EDN3: variants seen among roughly 807,000 people sequenced by gnomAD.
The protein encoded by EDN3 is endothelin-3.
In EDN3, 9 loss-of-function variants were observed where a neutral mutation model predicts 21.4. The ratio of observed to expected loss-of-function variants is 0.42; its 90% CI spans 0.25 to 0.73. The LOEUF (loss-of-function observed/expected upper bound fraction) is 0.73. Ranked by LOEUF, EDN3 falls within the 30% of genes least tolerant of loss-of-function variation. The pLI, the probability that EDN3 is intolerant of heterozygous loss-of-function variation, is 0.26. For synonymous variants in EDN3, 133 were observed against 126.2 expected, an observed-to-expected ratio of 1.05 and a Z score of -0.36; for missense variants, 327 against 309.4, an observed-to-expected ratio of 1.06 and a Z score of -0.43.
Position 59,305,854 on chromosome 20 carries a change from T to A in EDN3, c.365+4132T>A, listed in dbSNP as rs1989369974. ...TTTGCTCAAAGTCTACTGATTTAAA[T>A]GTTAATCACATATCAAAAATACCTT... On this transcript the variant is annotated intron_variant, in intron 2 of 4. Coordinates refer to ENST00000337938, the MANE Select transcript of EDN3 (RefSeq NM_207034.3). The surrounding 1 kb of genome is among the most constrained non-coding windows in gnomAD (Gnocchi z 4.2). Among the ~76,000 whole-genome samples the A allele has an allele frequency of 6.6e-6, 1 of 152,236 alleles. No individual in the cohort carries two copies. The highest frequency in any genetic ancestry group is 1.5e-5 in the Non-Finnish European group (1 of 68,048).
chr20:59,320,106 C>T (rs1990432579), intron 2 of EDN3, among the ~76,000 whole-genome samples: 1 of 152,214 alleles, frequency 6.6e-6, no homozygotes. Context: ...TCACACTCCT[C>T]CTGCCAACGC....
chr20:59,321,035 A>G lies in EDN3; in HGVS notation c.384A>G (p.Gly128=). The part of the protein sequence containing the change: ...INTPEQTVPY[G]LSNYRGSFRG... The stretch of plus-strand genomic sequence containing the variant: ...TTTGCAGACAGACGGTGCCCTATGG[A>G]CTGTCCAACTACAGAGGAAGCTTCC... Residue 128 remains glycine, a synonymous_variant, in exon 3 of 5, where the codon GGA becomes GGG. Transcript: ENST00000337938. 2 of 1,614,154 alleles carry G rather than the reference A, an allele frequency of 1.2e-6. No homozygotes were observed. The highest frequency in any genetic ancestry group is 2.2e-5 in the East Asian group (1 of 44,878).
intron 2 of EDN3, among the ~76,000 whole-genome samples, chr20:59,319,288 G>A (rs371010009): frequency 2.8e-4 from 43 of 152,268 alleles, no homozygotes; most frequent in Admixed American, 1.6e-3. Context: ...GCAGGGAGGC[G>A]GGGGCGGGGG....
At position 59,322,399 on chromosome 20, in the gene EDN3, CAA is replaced by C; in HGVS notation, c.572_573del (p.Lys191ArgfsTer7). On this transcript the variant is annotated frameshift_variant, in exon 4 of 5. Coordinates refer to ENST00000337938, the MANE Select transcript of EDN3 (RefSeq NM_207034.3). LOFTEE classifies it low-confidence loss of function (END_TRUNC). This position sits in a 1 kb window ranked among gnomAD's most constrained non-coding sequence, Gnocchi z 4.1. Reference sequence around the variant, plus strand: ...ATTCAAGGACGGCAGAAAAAACAGACAAAGAAGAGGAAGGGAAGGTGAGAGGT... The same window carrying C: ...ATTCAAGGACGGCAGAAAAAACAGACAGAAGAGGAAGGGAAGGTGAGAGGT... ...SNSRTAEKTD[K>X]EEEGKVEVKD... 6.2e-7 allele frequency: 1 copy of C among 1,614,114 alleles called. No homozygotes were observed. Among genetic ancestry groups the C allele is most frequent in the South Asian group, 1.1e-5 (1 of 91,060 alleles).
chr20:59,306,843 T>C (rs555412080), intron 2 of EDN3, among the ~76,000 whole-genome samples: 2 of 152,134 alleles, frequency 1.3e-5, no homozygotes, highest in Non-Finnish European at 2.9e-5. Flanking sequence ...GATTTTGGGA[T>C]CCCGATAAAA....
chr20:59,301,745 G>A (rs11570257), intron 2 of EDN3, 23 bp downstream of exon 2: 42,750 of 1,613,304 alleles, frequency 0.026, 638 homozygotes, highest in Non-Finnish European at 0.032. Context: ...TTTGTGGTGA[G>A]GAACGTGGCT....
At chr20:59,320,333 C>A (rs999904480) in intron 2 of EDN3, among the ~76,000 whole-genome samples, 1 of 152,220 alleles carries the variant, frequency 6.6e-6, no homozygotes, top group Non-Finnish European at 1.5e-5. Flanking sequence ...CTCATTAGCA[C>A]AAACTGCTGT....
chr20:59,322,525 C>G lies in EDN3; in HGVS notation c.588+108C>G, dbSNP rs903102236. The G allele has an allele frequency of 1.2e-5, 17 of 1,435,132 alleles. No individual in the cohort carries two copies. The Admixed American group carries it at 2.7e-4, about 23-fold the overall frequency. The allele number at this position is 1,435,132 out of a possible 1,614,324, so 88.9% of individuals were successfully genotyped here. A position where few individuals can be genotyped will look rare whatever the true frequency, so the allele number is the denominator to read the frequency against. On this transcript the variant is annotated intron_variant, in intron 4 of 4. Coordinates refer to ENST00000337938, the MANE Select transcript of EDN3 (RefSeq NM_207034.3). The surrounding 1 kb of genome is among the most constrained non-coding windows in gnomAD (Gnocchi z 4.1). ...TGAGGGGATGGCATCTGGTCTGGTCCAGTGGGAACCCCAGATCTCATGGGA... is the reference window on the plus strand; with the variant it reads ...TGAGGGGATGGCATCTGGTCTGGTCGAGTGGGAACCCCAGATCTCATGGGA...
intron 2 of EDN3, among the ~76,000 whole-genome samples, chr20:59,319,541 C>A (rs966060685): frequency 6.6e-6 from 1 of 151,852 alleles, no homozygotes; most frequent in Non-Finnish European, 1.5e-5. Context: ...GAAACCCTGT[C>A]TCTACTAAAA....
At chr20:59,318,113 G>C (rs2146868455) in intron 2 of EDN3, among the ~76,000 whole-genome samples, 1 of 152,326 alleles carries the variant, frequency 6.6e-6, no homozygotes. Flanking sequence ...GCATCCCCAA[G>C]ACCACTTCCA....
chr20:59,301,282 C>T, intron 1 of EDN3, 128 bp from the exon 2 acceptor site: 2 of 1,161,624 alleles, frequency 1.7e-6, no homozygotes, highest in East Asian at 2.6e-5. Flanking sequence ...TTTTCAGAAA[C>T]TGCGCAGAGC....
intron 2 of EDN3, among the ~76,000 whole-genome samples, chr20:59,315,782 C>T (rs890916587): frequency 1.3e-5 from 2 of 152,102 alleles, no homozygotes; most frequent in Non-Finnish European, 2.9e-5. Context: ...GGAGGGTTTA[C>T]GCCCAGTCTC....
rs184626451 is a variant in EDN3, at chr20:59,301,988, T to G, written c.365+266T>G. 3.2e-3 allele frequency among the ~76,000 whole-genome samples: 481 copies of G among 152,270 alleles called. 3 individuals carry two copies. Among genetic ancestry groups the G allele is most frequent in the South Asian group, 0.016 (79 of 4,822 alleles). ...TGGAAGGAGGAGCCCTCCCTCTGAA[T>G]GAAGTGAACTGACCAGGGGGATTAG... On this transcript the variant is annotated intron_variant, in intron 2 of 4. Transcript: ENST00000337938.
intron 2 of EDN3, among the ~76,000 whole-genome samples, chr20:59,311,767 T>C (rs1212232767): frequency 6.6e-6 from 1 of 152,056 alleles, no homozygotes; most frequent in Non-Finnish European, 1.5e-5. Flanking sequence ...CTTCTGGCAA[T>C]GCAGCCTCAT....
chr20:59,301,814 C>T, intron 2 of EDN3, 92 bp downstream of exon 2: 1 of 1,419,356 alleles, frequency 7.0e-7, no homozygotes, highest in Admixed American at 1.7e-5. Context: ...CCCAGCCCCG[C>T]TCAGTTAGCC....
intron 2 of EDN3, 69 bp from the exon 3 acceptor site, chr20:59,320,948 C>T: frequency 1.3e-6 from 2 of 1,577,864 alleles, no homozygotes; most frequent in Non-Finnish European, 8.7e-7. Flanking sequence ...GTTCTCGCTC[C>T]ACACCCTTGG....
chr20:59,317,457 A>G (rs1990253358), intron 2 of EDN3, among the ~76,000 whole-genome samples: 1 of 152,220 alleles, frequency 6.6e-6, no homozygotes, highest in Non-Finnish European at 1.5e-5. Context: ...TCCATGCAGT[A>G]TCTCCTTTGC....
chr20:59,315,860 G>T (rs1299891278), intron 2 of EDN3, among the ~76,000 whole-genome samples: 2 of 152,146 alleles, frequency 1.3e-5, no homozygotes, highest in Admixed American at 6.5e-5. Context: ...AATTCTTCAA[G>T]AAAAGCTGGA....
chr20:59,301,461 A>G lies in EDN3; in HGVS notation c.104A>G (p.Gln35Arg), dbSNP rs754287022. 4.3e-6 allele frequency: 7 copies of G among 1,613,208 alleles called. No homozygotes were observed. The Admixed American group carries it at 1.2e-4, about 27-fold the overall frequency. The change falls in exon 2 of 5, where the codon CAG (glutamine) becomes CGG (arginine). Residue 35 changes from glutamine to arginine, a missense_variant. Gln to Arg is a conservative substitution (Grantham distance 43, BLOSUM62 1). Coordinates refer to ENST00000337938, the MANE Select transcript of EDN3 (RefSeq NM_207034.3). ...SGDAGRRGVS[Q>R]APTAARSEGD... is the part of the protein sequence containing the mutation. ...GATGCTGGCAGGCGCGGCGTGTCCC[A>G]GGCCCCCACTGCAGCCAGATCTGAG...
Sources: gnomAD v4.1 joint callset for allele counts (sites outside exome capture counted in the v4.1 genomes callset) on GRCh38, gnomAD v4.1.1 for gene constraint, Gnocchi (gnomAD v3.1) non-coding constraint, MANE v1.5 for transcripts, NCBI Gene and HGNC (gene_info 2026-07-23, HGNC 2026-07-21) for gene names.